RNF111: variants seen among roughly 807,000 people sequenced by gnomAD.
RNF111 encodes the protein ring finger protein 111.
In RNF111, 17 loss-of-function variants were observed where a neutral mutation model predicts 95.1. The observed-to-expected ratio is 0.18, with a 90% CI of 0.12 to 0.27. The LOEUF (loss-of-function observed/expected upper bound fraction) is 0.27, where lower values mean the gene tolerates loss of function less well. Among genes scored for constraint, RNF111 ranks in the 10% least tolerant of loss-of-function variants. The pLI, the probability that RNF111 is intolerant of heterozygous loss-of-function variation, is 1.00. For missense variants in RNF111, 1,189 were observed against 1,210.4 expected (o/e 0.98, Z 0.26); for synonymous variants, 440 against 414.8 (o/e 1.06, Z -0.74).
chr15:59,032,691 C>G (rs895525495), intron 2 of RNF111, among the ~76,000 whole-genome samples: 1 of 152,060 alleles, frequency 6.6e-6, no homozygotes, highest in African/African-American at 2.4e-5. Flanking sequence ...AATATTTTTT[C>G]TTTAAGTACT....
Position 59,072,870 on chromosome 15 carries a change from A to AT in RNF111, c.1687-3077dup, listed in dbSNP as rs1219854585. On this transcript the variant is annotated intron_variant, in intron 6 of 13. Transcript: ENST00000348370. ...TAAATGATGTGTCTGGGGCCCTGCA[A>AT]TTTTTTTATTAAAAAAAAAAAAACA... Among the ~76,000 whole-genome samples the AT allele has an allele frequency of 7.4e-4, 105 of 141,460 alleles. 1 individual carries two copies. The highest frequency in any genetic ancestry group is 2.7e-3 in the African/African-American group (99 of 37,160). The allele number at this position is 141,460 out of a possible 152,430, so 92.8% of individuals were successfully genotyped here. A position where few individuals can be genotyped will look rare whatever the true frequency, so the allele number is the denominator to read the frequency against.
chr15:59,010,737 G>T (rs1344777056), intron 1 of RNF111, among the ~76,000 whole-genome samples: 1 of 152,092 alleles, frequency 6.6e-6, no homozygotes, highest in Non-Finnish European at 1.5e-5. Context: ...TGTATTATAA[G>T]TTATAGTTCT....
chr15:59,049,056 C>A (rs2041844332), intron 2 of RNF111, among the ~76,000 whole-genome samples: 1 of 151,974 alleles, frequency 6.6e-6, no homozygotes, highest in South Asian at 2.1e-4. Flanking sequence ...GTGATTGTGC[C>A]CCTACACTCT....
chr15:59,005,948 GTGGAGATTTAAA>G (rs1396977687), intron 1 of RNF111, among the ~76,000 whole-genome samples: 3 of 152,244 alleles, frequency 2.0e-5, no homozygotes, highest in African/African-American at 7.2e-5. Context: ...TGATGGGGAT[GTGGAGATTTAAA>G]TCAATGCATT....
At chr15:59,021,329 T>G (rs1220951645) in intron 1 of RNF111, among the ~76,000 whole-genome samples, 1 of 152,142 alleles carries the variant, frequency 6.6e-6, no homozygotes, top group Non-Finnish European at 1.5e-5. Context: ...TTTTGTATTT[T>G]TAGTAGAGAC....
intron 5 of RNF111, among the ~76,000 whole-genome samples, chr15:59,059,540 G>A (rs2042345489): frequency 6.6e-6 from 1 of 152,196 alleles, no homozygotes. Flanking sequence ...ATGGGGATGG[G>A]AGTTTTTAAA....
chr15:59,064,730 T>G (rs368709420), intron 5 of RNF111, among the ~76,000 whole-genome samples: 10 of 151,918 alleles, frequency 6.6e-5, no homozygotes, highest in African/African-American at 2.4e-4. Flanking sequence ...TTAGCCCCCA[T>G]AGGCCAGACT....
At chr15:58,994,194 C>T (rs1007081989) in intron 1 of RNF111, among the ~76,000 whole-genome samples, 38 of 151,576 alleles carry the variant, frequency 2.5e-4, no homozygotes, top group Non-Finnish European at 4.9e-4. Flanking sequence ...CACGCTACCA[C>T]GCTCAGGTTA....
intron 13 of RNF111, chr15:59,093,547 TC>T (rs2079116200): frequency 3.1e-6 from 1 of 326,554 alleles, no homozygotes; most frequent in African/African-American, 2.2e-5. Context: ...TCATAAAATT[TC>T]CTCTAAACTA....
chr15:59,022,980 C>T (rs1490189071), intron 1 of RNF111, among the ~76,000 whole-genome samples: 2 of 152,222 alleles, frequency 1.3e-5, no homozygotes. Context: ...GGCGCGGTGG[C>T]TTACGCCTGT....
At chr15:59,047,692 C>T (rs556412806) in intron 2 of RNF111, among the ~76,000 whole-genome samples, 175 of 152,208 alleles carry the variant, frequency 1.1e-3, no homozygotes, top group Non-Finnish European at 2.0e-3. Flanking sequence ...CTTCCTACCT[C>T]AGCCTCCCAA....
intron 1 of RNF111, among the ~76,000 whole-genome samples, chr15:59,026,212 T>C (rs539044091): frequency 6.6e-6 from 1 of 152,278 alleles, no homozygotes; most frequent in East Asian, 1.9e-4. Context: ...CTTAATGGGT[T>C]TTTCCTCCTT....
chr15:58,993,883 C>T (rs1424127228), intron 1 of RNF111, among the ~76,000 whole-genome samples: 1 of 152,002 alleles, frequency 6.6e-6, no homozygotes, highest in Non-Finnish European at 1.5e-5. Flanking sequence ...CCTTTTCTAC[C>T]AAATAGAAAA....
chr15:59,077,654 T>C (rs1274785426), intron 7 of RNF111, among the ~76,000 whole-genome samples: 3 of 152,226 alleles, frequency 2.0e-5, no homozygotes. Context: ...ATTAAATCAG[T>C]CTTCTGTTGA....
In RNF111 at chr15:59,004,461, C is replaced by T. The variant is rs140267327; in HGVS notation, c.-20+16393C>T. On this transcript the variant is annotated intron_variant, in intron 1 of 13. Coordinates refer to ENST00000348370, the MANE Select transcript of RNF111 (RefSeq NM_017610.8). ...TTTGTTAGGAAAGGGTAGCACCTTACTATCTTTTTATCACCTTGATCAGTG... is the reference window on the plus strand; with the variant it reads ...TTTGTTAGGAAAGGGTAGCACCTTATTATCTTTTTATCACCTTGATCAGTG... 8.8e-4 allele frequency among the ~76,000 whole-genome samples: 134 copies of T among 152,282 alleles called. 3 individuals carry two copies. The highest frequency in any genetic ancestry group is 3.4e-3 in the Middle Eastern group (1 of 294).
intron 4 of RNF111, among the ~76,000 whole-genome samples, chr15:59,057,290 T>G (rs991184995): frequency 4.6e-5 from 7 of 152,200 alleles, no homozygotes; most frequent in African/African-American, 1.7e-4. Flanking sequence ...CTGGTTAAAC[T>G]ATTTACAAAT....
In RNF111 at chr15:59,065,967, A is replaced by G. The variant is rs1020570747; in HGVS notation, c.1367-797A>G. Among the ~76,000 whole-genome samples, 9 of 151,970 alleles carry G rather than the reference A, an allele frequency of 5.9e-5. No homozygotes were observed. In the South Asian group the frequency reaches 1.9e-3, roughly 32 times the overall value. On this transcript the variant is annotated intron_variant, in intron 5 of 13. Transcript: ENST00000348370. ...ACAATGTATATATTTGTGTTGGTGG[A>G]TAGTGAGACTTCACCAGATACACTC...
intron 1 of RNF111, among the ~76,000 whole-genome samples, chr15:59,011,156 G>A (rs78759923): frequency 0.015 from 2,253 of 152,218 alleles, 43 homozygotes; most frequent in East Asian, 0.031. Flanking sequence ...TCTGCCATGA[G>A]AAATAGGGTA....
intron 1 of RNF111, among the ~76,000 whole-genome samples, chr15:59,012,278 C>CA (rs1180670196): frequency 6.6e-6 from 1 of 151,976 alleles, no homozygotes; most frequent in Admixed American, 6.6e-5. Context: ...CTAGGCCTCC[C>CA]AAAATGTTGA....
Sources: allele counts gnomAD v4.1 joint callset (sites outside exome capture counted in the v4.1 genomes callset), GRCh38; gene constraint gnomAD v4.1.1; transcripts MANE v1.5; gene names NCBI Gene and HGNC (gene_info 2026-07-23, HGNC 2026-07-21).